GNAQ: variants seen among roughly 807,000 people sequenced by gnomAD.
GNAQ encodes guanine nucleotide-binding protein G(q) subunit alpha.
GNAQ carries 8 observed loss-of-function variants against 43.9 expected under a neutral mutation model. The observed-to-expected ratio is 0.18, with a 90% CI of 0.11 to 0.33. GNAQ has a LOEUF of 0.33. GNAQ is among the 10% of genes least tolerant of loss of function. The pLI is 1.00. For missense variants in GNAQ, 158 were observed against 450.8 expected (o/e 0.35, Z 5.88); for synonymous variants, 155 against 170.7 (o/e 0.91, Z 0.71).
chr9:77,808,629 G>T (rs1826865803), intron 3 of GNAQ, among the ~76,000 whole-genome samples: 1 of 151,974 alleles, frequency 6.6e-6, no homozygotes, highest in Non-Finnish European at 1.5e-5. Context: ...TGACTGCATA[G>T]GATAATGACT....
At chr9:77,982,537 T>C (rs1823380753) in intron 1 of GNAQ, among the ~76,000 whole-genome samples, 1 of 152,054 alleles carries the variant, frequency 6.6e-6, no homozygotes, top group Non-Finnish European at 1.5e-5. Flanking sequence ...CATTCTATCT[T>C]AGAAGTATGA....
chr9:77,957,767 C>T (rs1259277823), intron 1 of GNAQ, among the ~76,000 whole-genome samples: 1 of 152,132 alleles, frequency 6.6e-6, no homozygotes, highest in Non-Finnish European at 1.5e-5. Flanking sequence ...TCTGCACCTG[C>T]TGGAGGGAGG....
chr9:77,723,371 C>A (rs555387742), intron 6 of GNAQ, among the ~76,000 whole-genome samples: 2 of 152,288 alleles, frequency 1.3e-5, no homozygotes, highest in Non-Finnish European at 2.9e-5. Flanking sequence ...ATATGACCGA[C>A]CCTGCTAGTC....
At chr9:77,957,439 C>T (rs1823056871) in intron 1 of GNAQ, among the ~76,000 whole-genome samples, 2 of 152,140 alleles carry the variant, frequency 1.3e-5, no homozygotes, top group South Asian at 4.1e-4. Flanking sequence ...ACAGCTCTTG[C>T]TTGCCCCTAT....
intron 1 of GNAQ, among the ~76,000 whole-genome samples, chr9:78,010,927 G>C (rs2118579946): frequency 6.6e-6 from 1 of 152,234 alleles, no homozygotes. Context: ...TAGCCATGAA[G>C]GGGCTAAAGA....
In GNAQ at chr9:77,718,619, A is replaced by G. The variant is rs1007487109; in HGVS notation, c.*2704T>C. On this transcript the variant is annotated 3_prime_UTR_variant, in exon 7 of 7. Coordinates refer to ENST00000286548, the MANE Select transcript of GNAQ (RefSeq NM_002072.5). Reference sequence around the variant, plus strand: ...TCAGGTTTAATTGACTACATTTACTATAGCTCTATTAAATAGAATATCTTG... The same window carrying G: ...TCAGGTTTAATTGACTACATTTACTGTAGCTCTATTAAATAGAATATCTTG... The G allele has an allele frequency of 4.3e-6, 1 of 232,284 alleles. No individual in the cohort carries two copies. The highest frequency in any genetic ancestry group is 8.5e-6 in the Non-Finnish European group (1 of 117,634). The allele number at this position is 232,284 out of a possible 1,614,324, so 14.4% of individuals were successfully genotyped here. A position where few individuals can be genotyped will look rare whatever the true frequency, so the allele number is the denominator to read the frequency against.
intron 3 of GNAQ, among the ~76,000 whole-genome samples, chr9:77,815,208 T>C (rs1253451991): frequency 1.1e-4 from 16 of 152,194 alleles, no homozygotes. Flanking sequence ...TATTTTTTGT[T>C]TGCAGTTTCT....
chr9:77,975,530 C>CA (rs1247436367), intron 1 of GNAQ, among the ~76,000 whole-genome samples: 3 of 135,992 alleles, frequency 2.2e-5, no homozygotes, highest in East Asian at 4.7e-4. Flanking sequence ...CTGTTATCAG[C>CA]CCCCCCTTTT....
chr9:78,013,565 T>C (rs2118587122), intron 1 of GNAQ, among the ~76,000 whole-genome samples: 1 of 152,154 alleles, frequency 6.6e-6, no homozygotes, highest in East Asian at 1.9e-4. Context: ...TATCCAATGT[T>C]GCCTCTGAGA....
At chr9:77,985,793 G>A (rs1159338967) in intron 1 of GNAQ, among the ~76,000 whole-genome samples, 1 of 151,898 alleles carries the variant, frequency 6.6e-6, no homozygotes, top group African/African-American at 2.4e-5. Context: ...TCACTGTGTT[G>A]GTCAGGCTGG....
chr9:77,809,320 C>T (rs1826877861), intron 3 of GNAQ, among the ~76,000 whole-genome samples: 1 of 152,222 alleles, frequency 6.6e-6, no homozygotes, highest in African/African-American at 2.4e-5. Flanking sequence ...CTACAGTAGA[C>T]TAGCCAAAGC....
At chr9:77,989,511 C>A (rs983926946) in intron 1 of GNAQ, among the ~76,000 whole-genome samples, 2 of 152,206 alleles carry the variant, frequency 1.3e-5, no homozygotes, top group African/African-American at 4.8e-5. Flanking sequence ...GTTAGAAGGG[C>A]TCTGGGGAAG....
chr9:77,954,504 A>T (rs899487890), intron 1 of GNAQ, among the ~76,000 whole-genome samples: 1 of 152,210 alleles, frequency 6.6e-6, no homozygotes, highest in Non-Finnish European at 1.5e-5. Flanking sequence ...ACAAAGAGTC[A>T]CGCTGTTGGG....
At chr9:77,894,815 G>A (rs1828473389) in intron 2 of GNAQ, among the ~76,000 whole-genome samples, 1 of 115,534 alleles carries the variant, frequency 8.7e-6, no homozygotes, top group African/African-American at 2.5e-5. Flanking sequence ...TTCCAGAAGT[G>A]TTTATTTATA....
At chr9:77,919,899 T>C (rs1828970778) in intron 2 of GNAQ, among the ~76,000 whole-genome samples, 1 of 152,168 alleles carries the variant, frequency 6.6e-6, no homozygotes, top group Non-Finnish European at 1.5e-5. Flanking sequence ...CCCAACACTT[T>C]GGGAGGCCGA....
intron 1 of GNAQ, among the ~76,000 whole-genome samples, chr9:77,986,672 A>AT (rs1039627056): frequency 8.6e-5 from 13 of 151,806 alleles, no homozygotes; most frequent in African/African-American, 1.4e-4. Flanking sequence ...TGTCCAGCTA[A>AT]TTTTTTTTAC....
chr9:77,971,361 A>G (rs1380087564), intron 1 of GNAQ, among the ~76,000 whole-genome samples: 1 of 152,242 alleles, frequency 6.6e-6, no homozygotes, highest in East Asian at 1.9e-4. Flanking sequence ...CCTGATGAAC[A>G]TCGATGCAAA....
intron 1 of GNAQ, among the ~76,000 whole-genome samples, chr9:78,016,492 T>C (rs970727845): frequency 4.6e-5 from 7 of 152,116 alleles, no homozygotes; most frequent in African/African-American, 1.7e-4. Flanking sequence ...GAGACCATCC[T>C]GGCTAACACA....
In GNAQ at chr9:77,821,727, G is replaced by A. The variant is rs957415388; in HGVS notation, c.322-5957C>T. On this transcript the variant is annotated intron_variant, in intron 2 of 6. Coordinates refer to ENST00000286548, the MANE Select transcript of GNAQ (RefSeq NM_002072.5). Reference sequence around the variant, plus strand: ...GATGTTGTACTATCCTAGTATGGGTGTGTGTGTGTGTGTGTGTGTGTGTGT... The same window carrying A: ...GATGTTGTACTATCCTAGTATGGGTATGTGTGTGTGTGTGTGTGTGTGTGT... Among the ~76,000 whole-genome samples, 378 of 149,142 alleles carry A rather than the reference G, an allele frequency of 2.5e-3. 2 individuals carry two copies. Among genetic ancestry groups the A allele is most frequent in the African/African-American group, 8.6e-3 (349 of 40,602 alleles).
Sources: allele counts gnomAD v4.1 joint callset (sites outside exome capture counted in the v4.1 genomes callset), GRCh38; gene constraint gnomAD v4.1.1; transcripts MANE v1.5; gene names NCBI Gene and HGNC (gene_info 2026-07-23, HGNC 2026-07-21).